TSPAN19: variants seen among roughly 807,000 people sequenced by gnomAD.
TSPAN19 encodes the protein tetraspanin-19.
A neutral mutation model predicts 35.1 loss-of-function variants in TSPAN19; 44 were observed. The observed-to-expected ratio is 1.25, with a 90% CI of 0.98 to 1.61. TSPAN19 has a LOEUF of 1.61. Among genes scored for constraint, TSPAN19 ranks in the 40% most tolerant of loss-of-function variants. The pLI is 0.00. For missense variants in TSPAN19, 290 were observed against 280.0 expected (o/e 1.04, Z -0.26); for synonymous variants, 79 against 92.0 (o/e 0.86, Z 0.81).
chr12:85,016,002 G>T, intron 7 of TSPAN19, 31 bp from the exon 8 acceptor site: 1 of 1,307,984 alleles, frequency 7.6e-7, no homozygotes, highest in South Asian at 1.4e-5. Flanking sequence ...AGATGGACAT[G>T]GAGATGGAAA....
chr12:85,018,260 GT>G (rs1325995197), intron 6 of TSPAN19, among the ~76,000 whole-genome samples: 4 of 151,788 alleles, frequency 2.6e-5, no homozygotes, highest in African/African-American at 9.7e-5. Context: ...TGAAGTAATT[GT>G]TTTCTAAACT....
At chr12:85,029,228 C>T (rs148474079) in intron 3 of TSPAN19, among the ~76,000 whole-genome samples, 17 of 152,080 alleles carry the variant, frequency 1.1e-4, no homozygotes, top group East Asian at 7.7e-4. Context: ...ATTTGCTGTA[C>T]GAGTAAATAG....
intron 1 of TSPAN19, among the ~76,000 whole-genome samples, chr12:85,030,979 T>C (rs1877657830): frequency 6.6e-6 from 1 of 152,166 alleles, no homozygotes; most frequent in African/African-American, 2.4e-5. Flanking sequence ...AATAAGATTA[T>C]TTTAAAGCTA....
chr12:85,017,702 A>T (rs1876892152), intron 6 of TSPAN19, 103 bp from the exon 7 acceptor site: 1 of 799,974 alleles, frequency 1.3e-6, no homozygotes. Flanking sequence ...TAACTCATTA[A>T]TTTTTCCCCA....
At chr12:85,019,580 C>T (rs1409946755) in intron 6 of TSPAN19, 46 bp downstream of exon 6, 3 of 1,172,630 alleles carry the variant, frequency 2.6e-6, no homozygotes, top group Admixed American at 3.5e-5. Context: ...TTCTGTCCCA[C>T]AGTGGTCAAT....
chr12:85,029,834 T>A, intron 2 of TSPAN19, 43 bp from the exon 3 acceptor site: 2 of 1,520,502 alleles, frequency 1.3e-6, no homozygotes, highest in Non-Finnish European at 1.8e-6. Context: ...TAATTGCCTA[T>A]ACAATAGATT....
At chr12:85,035,412 T>G (rs1229073412) in intron 1 of TSPAN19, among the ~76,000 whole-genome samples, 3 of 152,200 alleles carry the variant, frequency 2.0e-5, no homozygotes, top group African/African-American at 7.2e-5. Context: ...GTTTATTTTT[T>G]AAAATCATCT....
intron 4 of TSPAN19, among the ~76,000 whole-genome samples, chr12:85,026,937 A>G (rs961653290): frequency 7.9e-5 from 12 of 152,172 alleles, no homozygotes; most frequent in South Asian, 4.1e-4. Flanking sequence ...AAAGCTGAGT[A>G]TCTCTGCATT....
chr12:85,023,689 C>T (rs1877248062), intron 4 of TSPAN19, among the ~76,000 whole-genome samples: 1 of 152,108 alleles, frequency 6.6e-6, no homozygotes, highest in Non-Finnish European at 1.5e-5. Context: ...AGTTCTAAAG[C>T]TATTATAGGG....
At chr12:85,017,741 TC>T in intron 6 of TSPAN19, 142 bp from the exon 7 acceptor site, 1 of 615,536 alleles carries the variant, frequency 1.6e-6, no homozygotes, top group South Asian at 2.3e-5. Flanking sequence ...AATAAGTATA[TC>T]TGTGCTTGTT....
intron 3 of TSPAN19, among the ~76,000 whole-genome samples, 155 bp from the exon 4 acceptor site, chr12:85,028,178 A>G (rs1877514992): frequency 1.3e-5 from 2 of 152,096 alleles, no homozygotes; most frequent in South Asian, 4.1e-4. Flanking sequence ...CTGTCTCTCA[A>G]TTTTTGACCT....
rs570882679 is a variant in TSPAN19, at chr12:85,029,836, C to G, written c.66+45G>C. Reference sequence around the variant, plus strand: ...GCTTATTTTTTTGTAATTGCCTATACAATAGATTACATTTTCTTTACTGTA... The same window carrying G: ...GCTTATTTTTTTGTAATTGCCTATAGAATAGATTACATTTTCTTTACTGTA... On this transcript the variant is annotated intron_variant, in intron 2 of 8. Coordinates refer to ENST00000532498, the MANE Select transcript of TSPAN19 (RefSeq NM_001100917.2). 1.0e-4 allele frequency: 155 copies of G among 1,520,986 alleles called. 2 individuals carry two copies. The East Asian group carries it at 3.7e-3, about 36-fold the overall frequency. 94.2% of individuals were successfully genotyped at this position (1,520,986 alleles called of 1,614,324 possible). A position where few individuals can be genotyped will look rare whatever the true frequency, so the allele number is the denominator to read the frequency against.
At position 85,015,924 on chromosome 12, in the gene TSPAN19, G is replaced by A. The variant is rs1393634138; in HGVS notation, c.642C>T (p.Thr214=). The A allele has an allele frequency of 5.2e-6, 8 of 1,549,208 alleles. No individual in the cohort carries two copies. The African/African-American group carries it at 5.5e-5, about 11-fold the overall frequency. Reference sequence around the variant, plus strand: ...AAAGTCCAAAGTTAATTCCGATTAAGGTTAACACATTAACATTATACCATG... The same window carrying A: ...AAAGTCCAAAGTTAATTCCGATTAAAGTTAACACATTAACATTATACCATG... ...ISAWYNVNVL[T]LIGINFGLLT... is the part of the protein sequence containing the mutation. Residue 214 remains threonine (T), a synonymous_variant, in exon 8 of 9, where the codon ACC becomes ACT. Transcript: ENST00000532498.
chr12:85,030,636 T>G (rs1877641137), intron 1 of TSPAN19, among the ~76,000 whole-genome samples: 1 of 152,116 alleles, frequency 6.6e-6, no homozygotes, highest in Admixed American at 6.6e-5. Flanking sequence ...ATTTGTTGAA[T>G]GCATGAATAG....
intron 3 of TSPAN19, among the ~76,000 whole-genome samples, chr12:85,028,883 G>C (rs574827266): frequency 6.6e-6 from 1 of 152,274 alleles, no homozygotes; most frequent in East Asian, 1.9e-4. Context: ...AAACCAGTTG[G>C]GGGAGAAGGT....
chr12:85,028,736 T>C (rs1282518437), intron 3 of TSPAN19, among the ~76,000 whole-genome samples: 1 of 152,144 alleles, frequency 6.6e-6, no homozygotes, highest in African/African-American at 2.4e-5. Context: ...CCAACTGAAT[T>C]CACTTTGACA....
intron 6 of TSPAN19, among the ~76,000 whole-genome samples, chr12:85,018,061 C>G (rs1876912927): frequency 6.6e-6 from 1 of 151,688 alleles, no homozygotes; most frequent in Admixed American, 6.6e-5. Flanking sequence ...GAGATGTTAA[C>G]TTTCAATTTT....
chr12:85,023,320 C>A lies in TSPAN19; in HGVS notation c.339+6G>T. 1 of 1,570,296 alleles carries A rather than the reference C, an allele frequency of 6.4e-7. No individual in the cohort carries two copies. Among genetic ancestry groups the A allele is most frequent in the South Asian group, 1.2e-5 (1 of 85,302 alleles). On this transcript the variant is annotated splice_donor_region_variant and intron_variant, in intron 5 of 8. Coordinates refer to ENST00000532498, the MANE Select transcript of TSPAN19 (RefSeq NM_001100917.2). ...GGATGTATTGAAAAGGATTTACTTT[C>A]CATACCTCCTCTTTCTTTGTGATGA...
chr12:85,032,896 G>A (rs533248577), intron 1 of TSPAN19, among the ~76,000 whole-genome samples: 1 of 152,238 alleles, frequency 6.6e-6, no homozygotes, highest in South Asian at 2.1e-4. Context: ...AAGCTCAACA[G>A]CAGAGATGCT....
Sources: gnomAD v4.1 joint callset for allele counts (sites outside exome capture counted in the v4.1 genomes callset) on GRCh38, gnomAD v4.1.1 for gene constraint, MANE v1.5 for transcripts, NCBI Gene and HGNC (gene_info 2026-07-23, HGNC 2026-07-21) for gene names.